Variants in CACNA2D1 observed in about 807,000 individuals in gnomAD.
CACNA2D1 encodes voltage-dependent calcium channel subunit alpha-2/delta-1.
Under a neutral mutation model 171.5 loss-of-function variants are expected in CACNA2D1, and 53 were observed. That is an observed-to-expected ratio of 0.31 (90% CI 0.25 to 0.39). The LOEUF (loss-of-function observed/expected upper bound fraction) is 0.39, where lower values mean the gene tolerates loss of function less well. CACNA2D1 is among the 10% of genes least tolerant of loss of function. The probability of loss-of-function intolerance (pLI) is 1.00; values close to 1 mark genes in which losing one functional copy is unlikely to be tolerated. For synonymous variants in CACNA2D1, 442 were observed against 443.1 expected (o/e 1.00, Z 0.03); for missense variants, 903 against 1,299.8 (o/e 0.69, Z 4.69).
chr7:82,111,209 C>A (rs1338520792), intron 6 of CACNA2D1, among the ~76,000 whole-genome samples: 1 of 149,292 alleles, frequency 6.7e-6, no homozygotes, highest in African/African-American at 2.5e-5. Flanking sequence ...AATGGTAATA[C>A]CATGTCTAAA....
At chr7:82,035,380 ATGACTGGAAGTGTT>A (rs1803183708) in intron 11 of CACNA2D1, among the ~76,000 whole-genome samples, 2 of 151,960 alleles carry the variant, frequency 1.3e-5, no homozygotes, top group Non-Finnish European at 2.9e-5. Context: ...GAGCAATAAG[ATGACTGGAAGTGTT>A]TGAAAGAAAA....
chr7:82,004,777 G>T (rs1157963720), intron 18 of CACNA2D1, among the ~76,000 whole-genome samples: 2 of 152,270 alleles, frequency 1.3e-5, no homozygotes, highest in East Asian at 3.9e-4. Flanking sequence ...TTCATGAAGA[G>T]TGAAATGAGT....
intron 3 of CACNA2D1, among the ~76,000 whole-genome samples, chr7:82,318,081 A>G (rs950502693): frequency 1.3e-5 from 2 of 152,098 alleles, no homozygotes; most frequent in African/African-American, 4.8e-5. Flanking sequence ...AGTTGGTTAA[A>G]TAAGCATGCC....
At chr7:82,017,237 T>C (rs1460453621) in intron 12 of CACNA2D1, among the ~76,000 whole-genome samples, 3 of 152,194 alleles carry the variant, frequency 2.0e-5, no homozygotes, top group East Asian at 3.9e-4. Flanking sequence ...ATATAAGTCA[T>C]TCAAAACTTA....
intron 18 of CACNA2D1, among the ~76,000 whole-genome samples, chr7:82,004,588 A>G (rs1798938914): frequency 6.6e-6 from 1 of 152,144 alleles, no homozygotes; most frequent in Non-Finnish European, 1.5e-5. Context: ...ATATATTCTA[A>G]TATATGACTA....
chr7:82,143,061 G>C (rs967296015), intron 4 of CACNA2D1, among the ~76,000 whole-genome samples: 29 of 152,052 alleles, frequency 1.9e-4, no homozygotes, highest in Non-Finnish European at 3.4e-4. Context: ...CAGTGGTGAG[G>C]GGGGATATGA....
chr7:82,154,159 A>G (rs554822725), intron 4 of CACNA2D1, among the ~76,000 whole-genome samples: 1 of 152,168 alleles, frequency 6.6e-6, no homozygotes, highest in South Asian at 2.1e-4. Flanking sequence ...AAACAGAAAA[A>G]GATGCTTCAC....
chr7:82,443,665 C>T lies in CACNA2D1; in HGVS notation c.-206G>A, dbSNP rs1030902867. The T allele has an allele frequency of 4.0e-6, 5 of 1,263,702 alleles. No homozygotes were observed. Among genetic ancestry groups the T allele is most frequent in the Non-Finnish European group, 4.0e-6 (4 of 1,010,670 alleles). The allele number at this position is 1,263,702 out of a possible 1,614,324, so 78.3% of individuals were successfully genotyped here. Reference sequence around the variant, plus strand: ...CGAGGAAGGGGCGGTGGCGGGCGGACCCACTAGCGTGCGTCGGCTGCTCCG... The same window carrying T: ...CGAGGAAGGGGCGGTGGCGGGCGGATCCACTAGCGTGCGTCGGCTGCTCCG... On this transcript the variant is annotated 5_prime_UTR_variant, in exon 1 of 39. Transcript: ENST00000356860.
intron 15 of CACNA2D1, chr7:82,009,278 C>CT (rs1799475662): frequency 6.6e-6 from 1 of 152,142 alleles, no homozygotes; most frequent in Middle Eastern, 3.4e-3. Flanking sequence ...TCAATTAAAC[C>CT]TTTTTTCTTT....
At chr7:82,163,068 C>G (rs17155960) in intron 4 of CACNA2D1, among the ~76,000 whole-genome samples, 14,292 of 151,906 alleles carry the variant, frequency 0.094, 991 homozygotes, top group African/African-American at 0.18. Context: ...TGAAATTATT[C>G]CAGCATCTGA....
rs761035531 is a variant in CACNA2D1 at position 82,084,887 on chromosome 7, T to C, written c.540A>G (p.Leu180=). 7 of 1,613,084 alleles carry C rather than the reference T, an allele frequency of 4.3e-6. No individual in the cohort carries two copies. The Admixed American group carries it at 8.3e-5, about 19-fold the overall frequency. The stretch of plus-strand genomic sequence containing the variant: ...AGGCACTTGTCCAGTTGAGTTCATT[T>C]AACACAATTGTTGCTAACAAAAAAG... ...TDIYEGSTIV[L]NELNWTSALD... The change falls in exon 7 of 39, where the codon TTA becomes TTG. Residue 180 remains leucine, a synonymous_variant. Coordinates refer to ENST00000356860, the MANE Select transcript of CACNA2D1 (RefSeq NM_000722.4).
chr7:82,273,762 A>G (rs530035942), intron 3 of CACNA2D1, among the ~76,000 whole-genome samples: 16 of 152,338 alleles, frequency 1.1e-4, no homozygotes, highest in African/African-American at 3.6e-4. Context: ...GTATGCATGC[A>G]TAAGTGTGCA....
At chr7:82,324,313 G>A (rs113322693) in intron 3 of CACNA2D1, among the ~76,000 whole-genome samples, 5,748 of 148,434 alleles carry the variant, frequency 0.039, 140 homozygotes, top group South Asian at 0.08. Context: ...AGCCAAGATC[G>A]CGCCATTACA....
At chr7:82,340,199 CAG>C (rs777302519) in intron 2 of CACNA2D1, among the ~76,000 whole-genome samples, 6 of 152,200 alleles carry the variant, frequency 3.9e-5, no homozygotes, top group Non-Finnish European at 8.8e-5. Context: ...GAGCTCCCAG[CAG>C]AGTCAACAAT....
At chr7:82,328,130 T>C (rs906308383) in intron 3 of CACNA2D1, among the ~76,000 whole-genome samples, 12 of 152,170 alleles carry the variant, frequency 7.9e-5, no homozygotes, top group African/African-American at 2.9e-4. Context: ...TCCACAGGCA[T>C]GTATCAAATC....
At chr7:82,194,515 T>C (rs1362785445) in intron 3 of CACNA2D1, among the ~76,000 whole-genome samples, 1 of 151,966 alleles carries the variant, frequency 6.6e-6, no homozygotes, top group Non-Finnish European at 1.5e-5. Context: ...CACTTTTCTT[T>C]ATATCTTCAC....
intron 4 of CACNA2D1, among the ~76,000 whole-genome samples, chr7:82,145,637 T>G (rs1306511528): frequency 8.1e-6 from 1 of 123,110 alleles, no homozygotes; most frequent in Non-Finnish European, 1.7e-5. Flanking sequence ...CATATAAAAA[T>G]TTTATATGTA....
At chr7:82,210,524 A>C (rs1800445585) in intron 3 of CACNA2D1, among the ~76,000 whole-genome samples, 1 of 152,156 alleles carries the variant, frequency 6.6e-6, no homozygotes, top group African/African-American at 2.4e-5. Context: ...ACTTAGAGAT[A>C]AAGTTTTAGA....
At chr7:82,098,742 C>G (rs1050855249) in intron 6 of CACNA2D1, among the ~76,000 whole-genome samples, 45 of 152,160 alleles carry the variant, frequency 3.0e-4, no homozygotes, top group African/African-American at 1.1e-3. Context: ...ATGCGTGACT[C>G]TTCTGCAATT....
Sources: gnomAD v4.1 joint callset for allele counts (sites outside exome capture counted in the v4.1 genomes callset) on GRCh38, gnomAD v4.1.1 for gene constraint, MANE v1.5 for transcripts, NCBI Gene and HGNC (gene_info 2026-07-23, HGNC 2026-07-21) for gene names.